The following RIN3 variants were observed in gnomAD, a reference collection of about 807,000 sequenced individuals.
RIN3 encodes RAB5 interacting protein 3.
A neutral mutation model predicts 76.3 loss-of-function variants in RIN3; 54 were observed. The observed-to-expected ratio is 0.71, with a 90% confidence interval of 0.57 to 0.89. RIN3 has a LOEUF of 0.89. Among genes scored for constraint, RIN3 ranks in the 40% least tolerant of loss-of-function variants. RIN3 has a pLI of 0.00. For missense variants in RIN3, 1,256 were observed against 1,322.1 expected (o/e 0.95, Z 0.78); for synonymous variants, 576 against 564.0 (o/e 1.02, Z -0.30).
At chr14:92,561,092 C>T (rs1897759075) in intron 2 of RIN3, among the ~76,000 whole-genome samples, 1 of 116,552 alleles carries the variant, frequency 8.6e-6, no homozygotes, top group African/African-American at 3.1e-5. Flanking sequence ...TATATATCTG[C>T]CATATATATG....
chr14:92,629,820 C>A (rs1886501284), intron 4 of RIN3, among the ~76,000 whole-genome samples: 1 of 152,212 alleles, frequency 6.6e-6, no homozygotes, highest in Admixed American at 6.5e-5. Flanking sequence ...TGATAAATGG[C>A]AGGGCAGGGT....
intron 1 of RIN3, among the ~76,000 whole-genome samples, chr14:92,526,158 A>T (rs549882255): frequency 1.5e-4 from 23 of 152,236 alleles, no homozygotes; most frequent in African/African-American, 5.3e-4. Context: ...TACCCCATTT[A>T]AAAAACTGAG....
At chr14:92,670,742 C>A (rs545288340) in intron 7 of RIN3, among the ~76,000 whole-genome samples, 2 of 152,242 alleles carry the variant, frequency 1.3e-5, no homozygotes, top group South Asian at 4.1e-4. Context: ...TGTGGTTGGG[C>A]GTGATAAACT....
intron 3 of RIN3, among the ~76,000 whole-genome samples, chr14:92,613,291 G>A (rs1445351625): frequency 6.6e-6 from 1 of 152,166 alleles, no homozygotes; most frequent in African/African-American, 2.4e-5. Context: ...GCACTAGGTG[G>A]CACTGGGACG....
At chr14:92,607,063 G>T (rs1292061913) in intron 3 of RIN3, among the ~76,000 whole-genome samples, 1 of 152,094 alleles carries the variant, frequency 6.6e-6, no homozygotes. Context: ...CAGCCATAAA[G>T]AAAAATATTC....
intron 4 of RIN3, among the ~76,000 whole-genome samples, chr14:92,629,818 G>A (rs140075066): frequency 6.6e-6 from 1 of 152,354 alleles, no homozygotes; most frequent in African/African-American, 2.4e-5. Context: ...GCTGATAAAT[G>A]GCAGGGCAGG....
rs1039919999 is a variant in RIN3 at position 92,652,143 on chromosome 14, C to T, written c.1094C>T (p.Ser365Phe). The stretch of plus-strand genomic sequence containing the variant: ...GAAGCGATGAAGCCAGGGGCAGCCT[C>T]CAGTCCCTTGCAGCAGGTCCCCGCC... Reference protein sequence around the residue: ...REEAMKPGAASSPLQQVPAPP... With the variant: ...REEAMKPGAAFSPLQQVPAPP... Residue 365 changes from serine to phenylalanine, a missense_variant, in exon 6 of 10, where the codon TCC (serine) becomes TTC (phenylalanine). Around this residue, in one of 3 missense-constraint regions of RIN3, gnomAD observed 610 missense variants for 626.4 expected, o/e 0.97. Coordinates refer to ENST00000216487, the MANE Select transcript of RIN3 (RefSeq NM_024832.5). This position sits in a 1 kb window ranked among gnomAD's most constrained non-coding sequence, Gnocchi z 6.4. 17 of 1,606,786 alleles carry T rather than the reference C, an allele frequency of 1.1e-5. No individual in the cohort carries two copies. The highest frequency in any genetic ancestry group is 1.4e-5 in the Non-Finnish European group (17 of 1,177,452).
Position 92,648,585 on chromosome 14 carries a change from C to T in RIN3, c.533-2997C>T, listed in dbSNP as rs1326646872. ...TTCCTCAGAGGCCTGACTCTCCACTCCGGCTAAGCTAATCCACTCATGGGT... is the reference window on the plus strand; with the variant it reads ...TTCCTCAGAGGCCTGACTCTCCACTTCGGCTAAGCTAATCCACTCATGGGT... On this transcript the variant is annotated intron_variant, in intron 5 of 9. Coordinates refer to ENST00000216487, the MANE Select transcript of RIN3 (RefSeq NM_024832.5). This position sits in a 1 kb window ranked among gnomAD's most constrained non-coding sequence, Gnocchi z 4.1. 6.6e-6 allele frequency among the ~76,000 whole-genome samples: 1 copy of T among 152,142 alleles called. No homozygotes were observed. The highest frequency in any genetic ancestry group is 6.5e-5 in the Admixed American group (1 of 15,286).
At chr14:92,522,343 T>G (rs1300094586) in intron 1 of RIN3, among the ~76,000 whole-genome samples, 1 of 148,312 alleles carries the variant, frequency 6.7e-6, no homozygotes, top group African/African-American at 2.6e-5. Flanking sequence ...TGTGTGCATG[T>G]GCTATTGATT....
intron 4 of RIN3, among the ~76,000 whole-genome samples, chr14:92,618,718 A>C (rs1204172747): frequency 6.6e-6 from 1 of 152,214 alleles, no homozygotes; most frequent in African/African-American, 2.4e-5. Context: ...CTGAAGCTTT[A>C]ATTGTTTTCC....
chr14:92,568,140 C>A lies in RIN3; in HGVS notation c.250-9220C>A, dbSNP rs933712022. ...CTCTAAATAGCTGGCTGCAGGGGGG[C>A]AGAAAGGGAGAAGTAAGGTGGGCTT... On this transcript the variant is annotated intron_variant, in intron 2 of 9. Transcript: ENST00000216487. The surrounding 1 kb of genome is among the most constrained non-coding windows in gnomAD (Gnocchi z 4.2). Among the ~76,000 whole-genome samples, 1 of 151,942 alleles carries A rather than the reference C, an allele frequency of 6.6e-6. No individual in the cohort carries two copies. The highest frequency in any genetic ancestry group is 1.5e-5 in the Non-Finnish European group (1 of 67,986).
chr14:92,590,196 C>A (rs1032483211), intron 3 of RIN3, among the ~76,000 whole-genome samples: 2 of 152,228 alleles, frequency 1.3e-5, no homozygotes, highest in Non-Finnish European at 2.9e-5. Context: ...AGATCTCATG[C>A]ATCCTGCAGG....
chr14:92,525,309 G>A (rs1896700532), intron 1 of RIN3, among the ~76,000 whole-genome samples: 1 of 152,222 alleles, frequency 6.6e-6, no homozygotes, highest in South Asian at 2.1e-4. Context: ...AGCCCCACTA[G>A]ACTGTAAGCT....
chr14:92,602,948 G>A (rs1885396540), intron 3 of RIN3, among the ~76,000 whole-genome samples: 1 of 152,188 alleles, frequency 6.6e-6, no homozygotes, highest in Non-Finnish European at 1.5e-5. Flanking sequence ...CTGCAACCTG[G>A]GGCATTTGGA....
rs1233040006 is a variant in RIN3, at chr14:92,611,671, C to CAT, written c.368-3736_368-3735insAT. 2.6e-5 allele frequency among the ~76,000 whole-genome samples: 4 copies of CAT among 152,174 alleles called. No individual in the cohort carries two copies. In the South Asian group the frequency reaches 8.3e-4, roughly 31 times the overall value. On this transcript the variant is annotated intron_variant, in intron 3 of 9. Coordinates refer to ENST00000216487, the MANE Select transcript of RIN3 (RefSeq NM_024832.5). ...CTATTTCCAAATAAGGTCATATTCA[C>CAT]GTGTGTTAGAGATTCACACGTATTC...
chr14:92,549,060 T>C (rs890697990), intron 1 of RIN3, among the ~76,000 whole-genome samples: 1 of 152,158 alleles, frequency 6.6e-6, no homozygotes, highest in African/African-American at 2.4e-5. Context: ...TGGTGCTTTG[T>C]CTGGAGGGAC....
Position 92,656,416 on chromosome 14 carries a change from C to T in RIN3, c.2027-2745C>T, listed in dbSNP as rs531455582. On this transcript the variant is annotated intron_variant, in intron 6 of 9. Transcript: ENST00000216487. This position sits in a 1 kb window ranked among gnomAD's most constrained non-coding sequence, Gnocchi z 5.2. The stretch of plus-strand genomic sequence containing the variant: ...GACAGGGGGACGGCTCAGGAGGCTG[C>T]GGCGGGGCAAGGCCAGTACCCGGTG... 1.2e-4 allele frequency among the ~76,000 whole-genome samples: 19 copies of T among 152,196 alleles called. No homozygotes were observed. Among genetic ancestry groups the T allele is most frequent in the African/African-American group, 3.1e-4 (13 of 41,530 alleles).
At chr14:92,599,719 G>A (rs142564488) in intron 3 of RIN3, among the ~76,000 whole-genome samples, 152 of 152,248 alleles carry the variant, frequency 1.0e-3, no homozygotes, top group African/African-American at 3.2e-3. Flanking sequence ...CAGCTGGAGC[G>A]GTGAGATGCT....
At position 92,653,120 on chromosome 14, in the gene RIN3, GCTCACAGA is replaced by G. The variant is rs751457373; in HGVS notation, c.2026+50_2026+57del. 7 of 1,549,500 alleles carry G rather than the reference GCTCACAGA, an allele frequency of 4.5e-6. No individual in the cohort carries two copies. The African/African-American group carries it at 9.5e-5, about 21-fold the overall frequency. On this transcript the variant is annotated intron_variant, in intron 6 of 9. Coordinates refer to ENST00000216487, the MANE Select transcript of RIN3 (RefSeq NM_024832.5). ...GTGGCAGGGAGGAGAGGGCGGTGGG[GCTCACAGA>G]CTCAGGAACCCCTTAGGACAAAAGA...
Sources: allele counts gnomAD v4.1 joint callset (sites outside exome capture counted in the v4.1 genomes callset), GRCh38; gene constraint gnomAD v4.1.1; regional missense constraint gnomAD v4.1.1; non-coding constraint Gnocchi (gnomAD v3.1); transcripts MANE v1.5; gene names NCBI Gene and HGNC (gene_info 2026-07-23, HGNC 2026-07-21).